The following RAB40C variants were observed in gnomAD, a reference collection of about 807,000 sequenced individuals.
The protein encoded by RAB40C is ras-related protein Rab-40C.
RAB40C carries 8 observed loss-of-function variants against 28.1 expected under a neutral mutation model. The ratio of observed to expected loss-of-function variants is 0.28; its 90% CI spans 0.17 to 0.51. RAB40C has a LOEUF of 0.51. Among genes scored for constraint, RAB40C ranks in the 20% least tolerant of loss-of-function variants. RAB40C has a pLI of 0.97. For synonymous variants in RAB40C, 201 were observed against 171.7 expected (o/e 1.17, Z -1.34); for missense variants, 288 against 405.9 (o/e 0.71, Z 2.50).
At chr16:613,841 T>C (rs554854717) in intron 1 of RAB40C, among the ~76,000 whole-genome samples, 1 of 152,048 alleles carries the variant, frequency 6.6e-6, no homozygotes, top group South Asian at 2.1e-4. Context: ...AGCACCCAGG[T>C]CTAGACTTGG....
chr16:625,160 G>A (rs1184017763), intron 3 of RAB40C: 3 of 1,379,892 alleles, frequency 2.2e-6, no homozygotes, highest in East Asian at 3.8e-5. Context: ...AACTTCCACA[G>A]GCTGATGGCT....
chr16:603,418 TGCCGGAAGATTGAATGCGGAGC>T lies in RAB40C; in HGVS notation c.142+12991_142+13012del, dbSNP rs565327533. The stretch of plus-strand genomic sequence containing the variant: ...CAGAAGACATCCGAGGGGAGTGGTA[TGCCGGAAGATTGAATGCGGAGC>T]GCCGGCCCCGCACGTGAATGACTTA... On this transcript the variant is annotated intron_variant, in intron 1 of 5. Coordinates refer to ENST00000248139, the MANE Select transcript of RAB40C (RefSeq NM_021168.5). Among the ~76,000 whole-genome samples the T allele has an allele frequency of 7.0e-3, 1,059 of 152,268 alleles. 10 individuals are homozygous for T. Among genetic ancestry groups the T allele is most frequent in the Admixed American group, 0.01 (156 of 15,288 alleles).
rs764526048 is a variant in RAB40C, at chr16:627,352, G to A, written c.576G>A (p.Leu192=). 7 of 1,612,876 alleles carry A rather than the reference G, an allele frequency of 4.3e-6. No homozygotes were observed. The highest frequency in any genetic ancestry group is 2.2e-5 in the East Asian group (1 of 44,894). Reference sequence around the variant, plus strand: ...CCCTCTGCCCCACAGTGTTCAGCCTGCAGGACCTCTGCTGCCGGGCCATCG... The same window carrying A: ...CCCTCTGCCCCACAGTGTTCAGCCTACAGGACCTCTGCTGCCGGGCCATCG... ...KIWRPNRVFS[L]QDLCCRAIVS... Residue 192 remains leucine, a synonymous_variant, in exon 6 of 6, where the codon CTG becomes CTA. Transcript: ENST00000248139.
intron 1 of RAB40C, chr16:596,485 C>T: frequency 2.9e-6 from 1 of 344,862 alleles, no homozygotes; most frequent in Non-Finnish European, 5.7e-6. Context: ...TTCTGGGGCC[C>T]AGGGGCCACG....
chr16:624,917 A>G, intron 3 of RAB40C: 1 of 1,284,496 alleles, frequency 7.8e-7, no homozygotes, highest in Non-Finnish European at 1.0e-6. Context: ...TGTGGCAAAA[A>G]GTCCCCGTGG....
intron 1 of RAB40C, among the ~76,000 whole-genome samples, chr16:614,928 G>C (rs1277090811): frequency 2.0e-5 from 3 of 152,240 alleles, no homozygotes; most frequent in Non-Finnish European, 4.4e-5. Context: ...GCATCCTGAT[G>C]AACTGCTTAA....
chr16:595,997 G>A (rs115379997), intron 1 of RAB40C, among the ~76,000 whole-genome samples: 3,709 of 152,350 alleles, frequency 0.024, 69 homozygotes, highest in African/African-American at 0.06. Context: ...TGTTAAGTTT[G>A]TCCAGAGGCC....
intron 1 of RAB40C, among the ~76,000 whole-genome samples, chr16:603,529 T>C (rs997994830): frequency 1.2e-4 from 18 of 152,326 alleles, no homozygotes; most frequent in African/African-American, 4.3e-4. Context: ...GTTCAGGCTG[T>C]CTTGTAGGGT....
chr16:627,752 T>C lies in RAB40C; in HGVS notation c.*130T>C. 1 of 1,211,834 alleles carries C rather than the reference T, an allele frequency of 8.3e-7. No individual in the cohort carries two copies. The highest frequency in any genetic ancestry group is 1.7e-5 in the South Asian group (1 of 60,592). The allele number at this position is 1,211,834 out of a possible 1,614,324, so 75.1% of individuals were successfully genotyped here. On this transcript the variant is annotated 3_prime_UTR_variant, in exon 6 of 6. Coordinates refer to ENST00000248139, the MANE Select transcript of RAB40C (RefSeq NM_021168.5). ...CTGCCTCAGAAGCGCCGGGCTTTCCTCACACCTGAGCCGGGTGCGAGGAGG... is the reference window on the plus strand; with the variant it reads ...CTGCCTCAGAAGCGCCGGGCTTTCCCCACACCTGAGCCGGGTGCGAGGAGG...
At position 627,803 on chromosome 16, in the gene RAB40C, G is replaced by A; in HGVS notation, c.*181G>A. ...AGCATGCACGGACCAAGCGCGGCAGGCGGGAGGAGGGGGCGCGGCTGGGCT... is the reference window on the plus strand; with the variant it reads ...AGCATGCACGGACCAAGCGCGGCAGACGGGAGGAGGGGGCGCGGCTGGGCT... On this transcript the variant is annotated 3_prime_UTR_variant, in exon 6 of 6. Coordinates refer to ENST00000248139, the MANE Select transcript of RAB40C (RefSeq NM_021168.5). The A allele has an allele frequency of 1.4e-6, 1 of 708,800 alleles. No individual in the cohort carries two copies. Among genetic ancestry groups the A allele is most frequent in the Non-Finnish European group, 2.1e-6 (1 of 482,596 alleles). The allele number at this position is 708,800 out of a possible 1,614,324, so 43.9% of individuals were successfully genotyped here. A position where few individuals can be genotyped will look rare whatever the true frequency, so the allele number is the denominator to read the frequency against.
intron 1 of RAB40C, among the ~76,000 whole-genome samples, chr16:598,574 AAAAAAAG>A (rs1341800560): frequency 5.3e-5 from 8 of 149,892 alleles, no homozygotes; most frequent in South Asian, 4.2e-4. Flanking sequence ...AAAAAAAAAA[AAAAAAAG>A]AAAAAAGAAA....
chr16:601,537 C>A lies in RAB40C; in HGVS notation c.142+11104C>A, dbSNP rs1034909680. On this transcript the variant is annotated intron_variant, in intron 1 of 5. Coordinates refer to ENST00000248139, the MANE Select transcript of RAB40C (RefSeq NM_021168.5). ...AGCCGCGTCAGCAGAGCAATGTGATCGTTGCTGGGACTGTTCCCCTAGTCT... is the reference window on the plus strand; with the variant it reads ...AGCCGCGTCAGCAGAGCAATGTGATAGTTGCTGGGACTGTTCCCCTAGTCT... Among the ~76,000 whole-genome samples, 41 of 152,114 alleles carry A rather than the reference C, an allele frequency of 2.7e-4. 1 individual carries two copies. Among genetic ancestry groups the A allele is most frequent in the Admixed American group, 2.6e-3 (39 of 15,268 alleles).
In RAB40C at chr16:627,786, CG is replaced by C; in HGVS notation, c.*166del. 1 of 855,160 alleles carries C rather than the reference CG, an allele frequency of 1.2e-6. No homozygotes were observed. Among genetic ancestry groups the C allele is most frequent in the Non-Finnish European group, 1.7e-6 (1 of 604,924 alleles). The allele number at this position is 855,160 out of a possible 1,614,324, so 53.0% of individuals were successfully genotyped here. On this transcript the variant is annotated 3_prime_UTR_variant, in exon 6 of 6. Coordinates refer to ENST00000248139, the MANE Select transcript of RAB40C (RefSeq NM_021168.5). ...AGCCGGGTGCGAGGAGGAGCATGCA[CG>C]GACCAAGCGCGGCAGGCGGGAGGAG...
intron 1 of RAB40C, among the ~76,000 whole-genome samples, chr16:606,571 T>C (rs1466106657): frequency 6.6e-6 from 1 of 152,254 alleles, no homozygotes; most frequent in African/African-American, 2.4e-5. Flanking sequence ...AGGGCTTTGC[T>C]TTTTGCAGGC....
At chr16:625,298 C>T (rs2036804951) in intron 3 of RAB40C, 134 bp from the exon 4 acceptor site, 6 of 1,461,258 alleles carry the variant, frequency 4.1e-6, no homozygotes, top group Middle Eastern at 1.8e-4. Context: ...GGGCATGGCT[C>T]ATCTGCCCAT....
At position 593,694 on chromosome 16, in the gene RAB40C, C is replaced by T. The variant is rs575365472; in HGVS notation, c.142+3261C>T. 2.6e-5 allele frequency among the ~76,000 whole-genome samples: 4 copies of T among 152,346 alleles called. No individual in the cohort carries two copies. In the East Asian group the frequency reaches 5.8e-4, roughly 22 times the overall value. Reference sequence around the variant, plus strand: ...TTAGTACTGGCACCTGAGGCAGTGGCGTGTGACCACACGCCCAGCACCTGT... The same window carrying T: ...TTAGTACTGGCACCTGAGGCAGTGGTGTGTGACCACACGCCCAGCACCTGT... On this transcript the variant is annotated intron_variant, in intron 1 of 5. Transcript: ENST00000248139.
At chr16:592,503 T>C (rs1480001978) in intron 1 of RAB40C, among the ~76,000 whole-genome samples, 1 of 152,182 alleles carries the variant, frequency 6.6e-6, no homozygotes, top group Non-Finnish European at 1.5e-5. Context: ...CACTGGGGCA[T>C]TGGGGGCTCA....
chr16:613,545 C>A (rs958053912), intron 1 of RAB40C, among the ~76,000 whole-genome samples: 1 of 152,238 alleles, frequency 6.6e-6, no homozygotes, highest in Non-Finnish European at 1.5e-5. Context: ...GAGGCTGGAT[C>A]GTGGTGCGGT....
intron 1 of RAB40C, among the ~76,000 whole-genome samples, chr16:611,605 G>T (rs866881484): frequency 6.6e-6 from 1 of 151,946 alleles, no homozygotes; most frequent in Non-Finnish European, 1.5e-5. Flanking sequence ...CGGGACAGCC[G>T]CCCTGGCCTG....
Sources: allele counts gnomAD v4.1 joint callset (sites outside exome capture counted in the v4.1 genomes callset), GRCh38; gene constraint gnomAD v4.1.1; transcripts MANE v1.5; gene names NCBI Gene and HGNC (gene_info 2026-07-23, HGNC 2026-07-21).